B3GLCT: variants seen among roughly 807,000 people sequenced by gnomAD.
The protein encoded by B3GLCT is beta 3-glucosyltransferase.
A neutral mutation model predicts 63.4 loss-of-function variants in B3GLCT; 65 were observed. The observed-to-expected ratio is 1.03, with a 90% CI of 0.84 to 1.26. B3GLCT has a LOEUF of 1.26. Ranked by LOEUF, B3GLCT falls within the 50% of genes most tolerant of loss-of-function variation. B3GLCT has a pLI of 0.00. For missense variants in B3GLCT, 577 were observed against 604.8 expected, an observed-to-expected ratio of 0.95 and a Z score of 0.48; for synonymous variants, 233 against 219.2, an observed-to-expected ratio of 1.06 and a Z score of -0.55.
chr13:31,291,757 G>A (rs1873673298), intron 12 of B3GLCT, among the ~76,000 whole-genome samples: 1 of 152,168 alleles, frequency 6.6e-6, no homozygotes, highest in Non-Finnish European at 1.5e-5. Flanking sequence ...CATGTCATCT[G>A]CAAACAGAGA....
chr13:31,230,468 T>C (rs1446824383), intron 4 of B3GLCT, among the ~76,000 whole-genome samples: 1 of 152,188 alleles, frequency 6.6e-6, no homozygotes, highest in Admixed American at 6.5e-5. Context: ...GGGTCAGAAA[T>C]GTCAGTGGAA....
chr13:31,256,095 C>T (rs924531206), intron 6 of B3GLCT, among the ~76,000 whole-genome samples: 11 of 152,008 alleles, frequency 7.2e-5, no homozygotes, highest in African/African-American at 1.9e-4. Flanking sequence ...AACAAATTTA[C>T]GAGAAAGAAC....
intron 12 of B3GLCT, chr13:31,312,868 A>C (rs748283607): frequency 6.6e-6 from 1 of 152,260 alleles, no homozygotes; most frequent in Non-Finnish European, 1.5e-5. Context: ...CTTGTAGAGA[A>C]CAGCAGATCA....
chr13:31,270,305 G>C (rs1173166760), intron 8 of B3GLCT, among the ~76,000 whole-genome samples: 1 of 152,068 alleles, frequency 6.6e-6, no homozygotes, highest in Non-Finnish European at 1.5e-5. Flanking sequence ...GGCCTTCCAG[G>C]GACAAGAAGG....
chr13:31,266,367 C>T (rs753820934), intron 7 of B3GLCT, among the ~76,000 whole-genome samples: 5 of 152,118 alleles, frequency 3.3e-5, no homozygotes, highest in African/African-American at 4.8e-5. Flanking sequence ...TACCAAACTT[C>T]GTGTTTTCCA....
chr13:31,259,402 T>C (rs1313883286), intron 6 of B3GLCT, among the ~76,000 whole-genome samples: 1 of 152,018 alleles, frequency 6.6e-6, no homozygotes, highest in Non-Finnish European at 1.5e-5. Context: ...TTTGGGTACG[T>C]CTATTCATAG....
chr13:31,253,616 A>AC, intron 6 of B3GLCT, among the ~76,000 whole-genome samples: 3 of 148,660 alleles, frequency 2.0e-5, no homozygotes, highest in South Asian at 2.1e-4. Flanking sequence ...AAAAAAAAAA[A>AC]AAAAACTAGA....
rs76139991 is a variant in B3GLCT, at chr13:31,235,236, A to G, written c.270+5942A>G. 2.8e-3 allele frequency among the ~76,000 whole-genome samples: 432 copies of G among 152,112 alleles called. 2 individuals are homozygous for G. The highest frequency in any genetic ancestry group is 9.9e-3 in the African/African-American group (409 of 41,486). On this transcript the variant is annotated intron_variant, in intron 4 of 14. Transcript: ENST00000343307. Reference sequence around the variant, plus strand: ...AGGTTCTCAGGTTTAGAGGGTGATGATGACTTTGGGTGTCATATCTGAAGT... The same window carrying G: ...AGGTTCTCAGGTTTAGAGGGTGATGGTGACTTTGGGTGTCATATCTGAAGT...
At chr13:31,256,381 G>A (rs990094942) in intron 6 of B3GLCT, among the ~76,000 whole-genome samples, 1 of 152,008 alleles carries the variant, frequency 6.6e-6, no homozygotes, top group Non-Finnish European at 1.5e-5. Flanking sequence ...GATTCCTCAA[G>A]GATCTAGAAA....
At chr13:31,314,714 G>A (rs766242247) in intron 12 of B3GLCT, among the ~76,000 whole-genome samples, 1 of 152,206 alleles carries the variant, frequency 6.6e-6, no homozygotes, top group Non-Finnish European at 1.5e-5. Context: ...GACTTTTGGG[G>A]ACTGTTGGGA....
chr13:31,219,685 A>T (rs944721321), intron 2 of B3GLCT, among the ~76,000 whole-genome samples: 2 of 152,184 alleles, frequency 1.3e-5, no homozygotes, highest in Admixed American at 1.3e-4. Flanking sequence ...TGTTTTGAAG[A>T]TTAAGTGTGC....
intron 4 of B3GLCT, among the ~76,000 whole-genome samples, chr13:31,230,658 A>G (rs887069552): frequency 6.6e-6 from 1 of 152,232 alleles, no homozygotes; most frequent in African/African-American, 2.4e-5. Flanking sequence ...GGAAAGTAAC[A>G]CATGCTATAG....
At chr13:31,213,021 T>TGTGTGTGTGTGTGTGCACGCGTGCGC (rs375503844) in intron 1 of B3GLCT, among the ~76,000 whole-genome samples, 60 of 151,324 alleles carry the variant, frequency 4.0e-4, no homozygotes, top group East Asian at 9.7e-4. Context: ...TTGGGCTTTG[T>TGTGTGTGTGTGTGTGCACGCGTGCGC]GTGTGTGTGT....
chr13:31,219,466 T>A (rs1869715732), intron 2 of B3GLCT, among the ~76,000 whole-genome samples: 1 of 152,208 alleles, frequency 6.6e-6, no homozygotes, highest in East Asian at 1.9e-4. Context: ...TGTGACACAT[T>A]TAAAGTGCTA....
chr13:31,317,684 G>T lies in B3GLCT; in HGVS notation c.1183G>T (p.Gly395Ter), dbSNP rs1413640266. ...CTACAGCTACATCACGGGAGGAGGA[G>T]GGTAACTATGATCACAGCTTTCTTC... Reference protein sequence around the residue: ...GGYSYITGGGGMVFSREAVRR... With the variant: ...GGYSYITGGG Residue 395 changes from glycine (G) to a stop codon, truncating the protein, a stop_gained and splice_region_variant, in exon 13 of 15, where the codon GGA becomes TGA. Coordinates refer to ENST00000343307, the MANE Select transcript of B3GLCT (RefSeq NM_194318.4). LOFTEE classifies it high-confidence loss of function. 6.2e-7 allele frequency: 1 copy of T among 1,613,798 alleles called. No individual in the cohort carries two copies. The highest frequency in any genetic ancestry group is 8.5e-7 in the Non-Finnish European group (1 of 1,179,898).
Position 31,276,577 on chromosome 13 carries a change from G to C in B3GLCT, c.781-125G>C, listed in dbSNP as rs1028751. 668,305 of 718,022 alleles carry C rather than the reference G, an allele frequency of 0.93. 311,491 individuals are homozygous for C. Among genetic ancestry groups the C allele is most frequent in the East Asian group, 1 (37,445 of 37,500 alleles). The allele number at this position is 718,022 out of a possible 1,614,324, so 44.5% of individuals were successfully genotyped here. ...TTCCATTTCTCCCCTAAAACTTTATGCCGGAAATATGTTTGGTATCCTTGA... is the reference window on the plus strand; with the variant it reads ...TTCCATTTCTCCCCTAAAACTTTATCCCGGAAATATGTTTGGTATCCTTGA... On this transcript the variant is annotated intron_variant, in intron 9 of 14. Transcript: ENST00000343307.
intron 12 of B3GLCT, among the ~76,000 whole-genome samples, chr13:31,296,392 C>G (rs974877958): frequency 1.3e-5 from 2 of 152,220 alleles, no homozygotes; most frequent in Non-Finnish European, 2.9e-5. Flanking sequence ...GGGTTGCAGG[C>G]TGCTGACTTC....
chr13:31,228,675 C>T (rs905689486), intron 3 of B3GLCT, among the ~76,000 whole-genome samples: 6 of 152,310 alleles, frequency 3.9e-5, no homozygotes, highest in Middle Eastern at 6.8e-3. Context: ...CTGATGACCT[C>T]GCTTTAACTT....
chr13:31,270,021 T>C (rs1230355711), intron 8 of B3GLCT, among the ~76,000 whole-genome samples: 1 of 152,192 alleles, frequency 6.6e-6, no homozygotes, highest in Admixed American at 6.6e-5. Context: ...TGGAGCAGAA[T>C]TGAGCCTATT....
Sources: gnomAD v4.1 joint callset for allele counts (sites outside exome capture counted in the v4.1 genomes callset) on GRCh38, gnomAD v4.1.1 for gene constraint, MANE v1.5 for transcripts, NCBI Gene and HGNC (gene_info 2026-07-23, HGNC 2026-07-21) for gene names.